The following DARS2 variants were observed in gnomAD, a reference collection of about 807,000 sequenced individuals.
The protein encoded by DARS2 is aspartate--tRNA ligase, mitochondrial.
DARS2 carries 63 observed loss-of-function variants against 83.0 expected under a neutral mutation model. The ratio of observed to expected loss-of-function variants is 0.76; its 90% CI spans 0.62 to 0.94. The LOEUF (loss-of-function observed/expected upper bound fraction) is 0.94, where lower values mean the gene tolerates loss of function less well. Among genes scored for constraint, DARS2 ranks in the 40% least tolerant of loss-of-function variants. The pLI is 0.00. For missense variants in DARS2, 675 were observed against 774.4 expected, an observed-to-expected ratio of 0.87 and a Z score of 1.52; for synonymous variants, 250 against 269.3, an observed-to-expected ratio of 0.93 and a Z score of 0.70.
chr1:173,834,446 T>C, intron 6 of DARS2, 27 bp from the exon 7 acceptor site: 1 of 1,563,490 alleles, frequency 6.4e-7, no homozygotes, highest in Non-Finnish European at 8.8e-7. Flanking sequence ...TCCTATCTAC[T>C]AAGTGATAAT....
intron 3 of DARS2, among the ~76,000 whole-genome samples, chr1:173,829,545 C>T (rs1020100912): frequency 6.6e-6 from 1 of 151,892 alleles, no homozygotes; most frequent in African/African-American, 2.4e-5. Context: ...TCTGGGAGGC[C>T]GAGGCCAGCA....
intron 12 of DARS2, among the ~76,000 whole-genome samples, chr1:173,848,230 A>G (rs940840253): frequency 2.6e-5 from 4 of 152,126 alleles, no homozygotes. Context: ...GTGTTGGAGT[A>G]TGTAATCAAG....
Position 173,856,071 on chromosome 1 carries a change from C to A in DARS2, c.1675-595C>A, listed in dbSNP as rs1279051881. ...AAAAAACACTGGTGCCTTGGCTACA[C>A]ATCAGACCAACTGAATAAAAGAGTT... On this transcript the variant is annotated intron_variant, in intron 15 of 16. Coordinates refer to ENST00000649689, the MANE Select transcript of DARS2 (RefSeq NM_018122.5). 1.3e-5 allele frequency among the ~76,000 whole-genome samples: 2 copies of A among 152,192 alleles called. 1 individual carries two copies. Among genetic ancestry groups the A allele is most frequent in the South Asian group, 4.1e-4 (2 of 4,836 alleles).
chr1:173,825,465 A>ATTATTATTC, intron 1 of DARS2, 109 bp downstream of exon 1: 1 of 661,210 alleles, frequency 1.5e-6, no homozygotes. Flanking sequence ...TATTATTATT[A>ATTATTATTC]TTATTATTAT....
At chr1:173,853,300 G>T in intron 13 of DARS2, 49 bp from the exon 14 acceptor site, 1 of 1,580,604 alleles carries the variant, frequency 6.3e-7, no homozygotes, top group East Asian at 2.2e-5. Flanking sequence ...GTCATTTCCT[G>T]CCTGCTCTGT....
rs533837138 is a variant in DARS2, at chr1:173,850,300, G to A, written c.1192-27G>A. On this transcript the variant is annotated intron_variant, in intron 12 of 16. Coordinates refer to ENST00000649689, the MANE Select transcript of DARS2 (RefSeq NM_018122.5). ...CCACTGTTCAAAAAAAAAAAAAAAC[G>A]TGAATAAGTCTTTTTCTTTTACACA... 5.7e-5 allele frequency: 85 copies of A among 1,495,360 alleles called. No homozygotes were observed. The East Asian group carries it at 1.4e-3, about 25-fold the overall frequency. 92.6% of individuals were successfully genotyped at this position (1,495,360 alleles called of 1,614,324 possible). A position where few individuals can be genotyped will look rare whatever the true frequency, so the allele number is the denominator to read the frequency against.
intron 5 of DARS2, 40 bp from the exon 6 acceptor site, chr1:173,833,336 T>C (rs916391526): frequency 1.3e-6 from 2 of 1,499,476 alleles, no homozygotes; most frequent in African/African-American, 2.8e-5. Flanking sequence ...TTTCTAATAT[T>C]GAAAAATATT....
intron 11 of DARS2, among the ~76,000 whole-genome samples, chr1:173,842,666 G>A (rs1168371434): frequency 5.3e-5 from 8 of 150,860 alleles, no homozygotes; most frequent in Middle Eastern, 3.4e-3. Context: ...TGCGGGGCAC[G>A]GTAGCCCACG....
intron 6 of DARS2, among the ~76,000 whole-genome samples, 170 bp downstream of exon 6, chr1:173,833,669 TGATAAA>T: frequency 6.6e-6 from 1 of 152,342 alleles, no homozygotes; most frequent in East Asian, 1.9e-4. Context: ...ATTTTAAAGA[TGATAAA>T]GATGATAGTC....
Position 173,840,983 on chromosome 1 carries a change from G to A in DARS2, c.1128+10G>A, listed in dbSNP as rs754008280. On this transcript the variant is annotated intron_variant, in intron 11 of 16. Transcript: ENST00000649689. ...TATCCCTGAAGGAGCAGTAAGTGAA[G>A]TACAGTTCTATGTTTCTCTAGAATG... 3 of 1,465,118 alleles carry A rather than the reference G, an allele frequency of 2.0e-6. No individual in the cohort carries two copies. The Admixed American group carries it at 5.0e-5, about 24-fold the overall frequency. 90.8% of individuals were successfully genotyped at this position (1,465,118 alleles called of 1,614,324 possible).
At chr1:173,845,911 A>C (rs1653416928) in intron 12 of DARS2, among the ~76,000 whole-genome samples, 1 of 152,194 alleles carries the variant, frequency 6.6e-6, no homozygotes, top group Non-Finnish European at 1.5e-5. Context: ...TAATCCCAGC[A>C]CTTTGGGAGG....
At chr1:173,830,482 G>C (rs935876744) in intron 3 of DARS2, among the ~76,000 whole-genome samples, 178 bp from the exon 4 acceptor site, 3 of 152,252 alleles carry the variant, frequency 2.0e-5, no homozygotes, top group Middle Eastern at 3.4e-3. Context: ...ATTATATAGA[G>C]TCAAAATGGG....
chr1:173,825,466 T>C, intron 1 of DARS2, 110 bp downstream of exon 1: 1 of 667,984 alleles, frequency 1.5e-6, no homozygotes, highest in Non-Finnish European at 2.1e-6. Flanking sequence ...ATTATTATTA[T>C]TATTATTATT....
intron 15 of DARS2, 82 bp downstream of exon 15, chr1:173,853,987 G>GT: frequency 7.9e-7 from 1 of 1,261,264 alleles, no homozygotes; most frequent in African/African-American, 1.5e-5. Flanking sequence ...TTGTTTGCTT[G>GT]TTTGTTTTGT....
At chr1:173,840,362 C>G (rs1653159500) in intron 10 of DARS2, among the ~76,000 whole-genome samples, 1 of 152,202 alleles carries the variant, frequency 6.6e-6, no homozygotes, top group South Asian at 2.1e-4. Context: ...CCTCAGCCTC[C>G]CGAGTAGCTG....
chr1:173,838,648 A>T (rs1009218946), intron 9 of DARS2, among the ~76,000 whole-genome samples: 1 of 152,000 alleles, frequency 6.6e-6, no homozygotes, highest in Non-Finnish European at 1.5e-5. Flanking sequence ...AATTTTATAT[A>T]TTGATATTTT....
At chr1:173,829,888 A>G (rs993150630) in intron 3 of DARS2, among the ~76,000 whole-genome samples, 33 of 152,156 alleles carry the variant, frequency 2.2e-4, no homozygotes, top group African/African-American at 7.5e-4. Context: ...AGCCTAGGCA[A>G]CAGAGCAAGA....
In DARS2 at chr1:173,858,283, A is replaced by G. The variant is rs921541431; in HGVS notation, c.*578A>G. On this transcript the variant is annotated 3_prime_UTR_variant, in exon 17 of 17. Transcript: ENST00000649689. ...CAGTGTTTCAGCCTGAGTAAGTTAC[A>G]TAAACCTCGCTTAGCCTCCCTTCCT... 4 of 157,848 alleles carry G rather than the reference A, an allele frequency of 2.5e-5. No homozygotes were observed. Among genetic ancestry groups the G allele is most frequent in the African/African-American group, 9.6e-5 (4 of 41,484 alleles). 9.8% of individuals were successfully genotyped at this position (157,848 alleles called of 1,614,324 possible).
At chr1:173,840,305 C>A (rs1390127139) in intron 10 of DARS2, among the ~76,000 whole-genome samples, 1 of 152,238 alleles carries the variant, frequency 6.6e-6, no homozygotes, top group African/African-American at 2.4e-5. Context: ...GTGGTAAGAT[C>A]TTGGCTCACT....
Sources: gnomAD v4.1 joint callset for allele counts (sites outside exome capture counted in the v4.1 genomes callset) on GRCh38, gnomAD v4.1.1 for gene constraint, MANE v1.5 for transcripts, NCBI Gene and HGNC (gene_info 2026-07-23, HGNC 2026-07-21) for gene names.